CTRC: variants seen among roughly 807,000 people sequenced by gnomAD.
The protein encoded by CTRC is chymotrypsin-C.
In CTRC, 32 loss-of-function variants were observed where a neutral mutation model predicts 35.7. That is an observed-to-expected ratio of 0.90 (90% CI 0.68 to 1.20). The LOEUF (loss-of-function observed/expected upper bound fraction) is 1.20, where lower values mean the gene tolerates loss of function less well. Ranked by LOEUF, CTRC falls within the 50% of genes most tolerant of loss-of-function variation. The probability of loss-of-function intolerance (pLI) is 0.00; values close to 1 mark genes in which losing one functional copy is unlikely to be tolerated. For synonymous variants in CTRC, 119 were observed against 149.5 expected (o/e 0.80, Z 1.49); for missense variants, 324 against 361.5 (o/e 0.90, Z 0.84).
rs1180811463 is a variant in CTRC, at chr1:15,442,590, C to T, written c.356+18C>T. The T allele has an allele frequency of 6.2e-7, 1 of 1,613,620 alleles. No individual in the cohort carries two copies. Among genetic ancestry groups the T allele is most frequent in the Non-Finnish European group, 8.5e-7 (1 of 1,179,888 alleles). ...CTGTTGCGGTGAGTGACAGACTGCC[C>T]ATCCCACAGCCACTGGGGGCAGTGT... On this transcript the variant is annotated intron_variant, in intron 4 of 7. Coordinates refer to ENST00000375949, the MANE Select transcript of CTRC (RefSeq NM_007272.3).
chr1:15,445,732 A>T lies in CTRC; in HGVS notation c.775A>T (p.Ile259Phe). The T allele has an allele frequency of 6.2e-7, 1 of 1,614,134 alleles. No homozygotes were observed. Among genetic ancestry groups the T allele is most frequent in the East Asian group, 2.2e-5 (1 of 44,890 alleles). Reference protein sequence around the residue: ...PVVYTRVSAYIDWINEKMQL With the variant: ...PVVYTRVSAYFDWINEKMQL Reference sequence around the variant, plus strand: ...AGTCTACACCCGGGTGTCCGCCTACATCGACTGGATCAACGAGGTGGGTGC... The same window carrying T: ...AGTCTACACCCGGGTGTCCGCCTACTTCGACTGGATCAACGAGGTGGGTGC... Residue 259 changes from isoleucine to phenylalanine, a missense_variant, in exon 7 of 8, where the codon ATC (isoleucine) becomes TTC (phenylalanine). Ile to Phe is a conservative substitution (Grantham distance 21). Coordinates refer to ENST00000375949, the MANE Select transcript of CTRC (RefSeq NM_007272.3).
chr1:15,440,164 C>T lies in CTRC; in HGVS notation c.41-136C>T, dbSNP rs532296849. ...CCTAGAGACCTGGGTGGCTTACCCC[C>T]GTGACACAGTAAAATATCAACCCCG... On this transcript the variant is annotated intron_variant, in intron 1 of 7. Transcript: ENST00000375949. 17 of 806,128 alleles carry T rather than the reference C, an allele frequency of 2.1e-5. No homozygotes were observed. In the East Asian group the frequency reaches 3.7e-4, roughly 18 times the overall value. The allele number at this position is 806,128 out of a possible 1,614,324, so 49.9% of individuals were successfully genotyped here.
rs367979183 is a variant in CTRC, at chr1:15,442,472, G to A, written c.256G>A (p.Val86Met). The A allele has an allele frequency of 1.7e-5, 27 of 1,613,904 alleles. No homozygotes were observed. The highest frequency in any genetic ancestry group is 3.3e-4 in the Middle Eastern group (2 of 6,084). The change falls in exon 4 of 8, where the codon GTG becomes ATG. Residue 86 changes from valine (V) to methionine (M), a missense_variant. Val to Met is a conservative substitution (Grantham distance 21). Coordinates refer to ENST00000375949, the MANE Select transcript of CTRC (RefSeq NM_007272.3). ...ISNTRTYRVA[V>M]GKNNLEVEDE... The stretch of plus-strand genomic sequence containing the variant: ...CAACACCCGGACCTACCGTGTGGCC[G>A]TGGGAAAGAACAACCTGGAGGTGGA...
chr1:15,441,686 C>T (rs1570782780), intron 3 of CTRC, among the ~76,000 whole-genome samples: 1 of 150,294 alleles, frequency 6.7e-6, no homozygotes, highest in East Asian at 1.9e-4. Flanking sequence ...TTATATATTT[C>T]ATATACACTT....
intron 6 of CTRC, 92 bp from the exon 7 acceptor site, chr1:15,445,505 C>T: frequency 7.1e-7 from 1 of 1,401,542 alleles, no homozygotes; most frequent in Non-Finnish European, 1.0e-6. Flanking sequence ...GCTGAGAAGC[C>T]AACCCACATC....
rs761548318 is a variant in CTRC at position 15,438,475 on chromosome 1, T to C, written c.11T>C (p.Ile4Thr). 1 of 1,614,164 alleles carries C rather than the reference T, an allele frequency of 6.2e-7. No homozygotes were observed. Among genetic ancestry groups the C allele is most frequent in the Non-Finnish European group, 8.5e-7 (1 of 1,180,038 alleles). Reference protein sequence around the residue: MLGITVLAALLACA... With the variant: MLGTTVLAALLACA... The stretch of plus-strand genomic sequence containing the variant: ...CCTGAGCACCTAACCATGTTGGGCA[T>C]CACTGTCCTCGCTGCGCTCTTGGCC... The change falls in exon 1 of 8, where the codon ATC (isoleucine) becomes ACC (threonine). Residue 4 changes from isoleucine to threonine, a missense_variant. Ile to Thr is a moderately conservative substitution (Grantham distance 89). Coordinates refer to ENST00000375949, the MANE Select transcript of CTRC (RefSeq NM_007272.3).
At chr1:15,445,546 A>G in intron 6 of CTRC, 51 bp from the exon 7 acceptor site, 1 of 1,598,446 alleles carries the variant, frequency 6.3e-7, no homozygotes, top group South Asian at 1.1e-5. Flanking sequence ...GCTTCCCAAG[A>G]CTTCCTCTGG....
rs547391582 is a variant in CTRC at position 15,440,833 on chromosome 1, G to A, written c.230+243G>A. On this transcript the variant is annotated intron_variant, in intron 3 of 7. Transcript: ENST00000375949. Reference sequence around the variant, plus strand: ...CTTATATTTTTGTGGAAGACAGAGCGGCAGACAATTAAACAAATATATAGC... The same window carrying A: ...CTTATATTTTTGTGGAAGACAGAGCAGCAGACAATTAAACAAATATATAGC... Among the ~76,000 whole-genome samples the A allele has an allele frequency of 1.3e-4, 20 of 152,252 alleles. No homozygotes were observed. In the South Asian group the frequency reaches 2.7e-3, roughly 21 times the overall value.
chr1:15,445,930 G>A (rs1708213020), intron 7 of CTRC, among the ~76,000 whole-genome samples, 181 bp downstream of exon 7: 1 of 149,870 alleles, frequency 6.7e-6, no homozygotes, highest in Non-Finnish European at 1.5e-5. Context: ...ACTCATTCAT[G>A]TATTTATTCA....
intron 3 of CTRC, among the ~76,000 whole-genome samples, chr1:15,441,323 T>A (rs1708128891): frequency 6.6e-6 from 1 of 152,126 alleles, no homozygotes; most frequent in African/African-American, 2.4e-5. Flanking sequence ...AGGGGGTTAT[T>A]TGGGCAAAGG....
intron 3 of CTRC, among the ~76,000 whole-genome samples, chr1:15,442,127 G>A (rs1352721830): frequency 4.6e-5 from 7 of 152,166 alleles, no homozygotes; most frequent in Non-Finnish European, 5.9e-5. Context: ...GATGGATGCC[G>A]CAACTGTGCA....
chr1:15,445,657 A>G lies in CTRC; in HGVS notation c.700A>G (p.Ile234Val). The change falls in exon 7 of 8, where the codon ATC (isoleucine) becomes GTC (valine). Residue 234 changes from isoleucine to valine, a missense_variant. Physicochemically the swap from Ile to Val is conservative, Grantham distance 29. Transcript: ENST00000375949. ...LENGSWEVFG[I>V]VSFGSRRGCN... ...GAACGGTTCCTGGGAGGTGTTTGGCATCGTCAGCTTTGGCTCCCGGCGGGG... is the reference window on the plus strand; with the variant it reads ...GAACGGTTCCTGGGAGGTGTTTGGCGTCGTCAGCTTTGGCTCCCGGCGGGG... 5 of 1,614,200 alleles carry G rather than the reference A, an allele frequency of 3.1e-6. No homozygotes were observed. The highest frequency in any genetic ancestry group is 2.2e-5 in the South Asian group (2 of 91,086).
chr1:15,445,670 GC>G lies in CTRC; in HGVS notation c.714del (p.Ser239ProfsTer12). The part of the protein sequence containing the change: ...SWEVFGIVSF[G>X]SRRGCNTRKK... ...GAGGTGTTTGGCATCGTCAGCTTTG[GC>G]TCCCGGCGGGGCTGCAACACCCGCA... On this transcript the variant is annotated frameshift_variant, in exon 7 of 8. Coordinates refer to ENST00000375949, the MANE Select transcript of CTRC (RefSeq NM_007272.3). LOFTEE classifies it high-confidence loss of function. 1 of 1,614,150 alleles carries G rather than the reference GC, an allele frequency of 6.2e-7. No individual in the cohort carries two copies. Among genetic ancestry groups the G allele is most frequent in the Non-Finnish European group, 8.5e-7 (1 of 1,180,028 alleles).
In CTRC at chr1:15,444,709, C is replaced by G. The variant is rs1232771015; in HGVS notation, c.597C>G (p.Thr199=). The change falls in exon 6 of 8, where the codon ACC becomes ACG. Residue 199 remains threonine (T), a synonymous_variant. Coordinates refer to ENST00000375949, the MANE Select transcript of CTRC (RefSeq NM_007272.3). ...IDWWGFRVKK[T]MVCAGGDGVI... ...GGTGGGGCTTCAGGGTGAAGAAAAC[C>G]ATGGTGTGCGCTGGGGGCGATGGCG... The G allele has an allele frequency of 6.2e-7, 1 of 1,614,218 alleles. No homozygotes were observed. The highest frequency in any genetic ancestry group is 8.5e-7 in the Non-Finnish European group (1 of 1,180,036).
chr1:15,441,689 A>G lies in CTRC; in HGVS notation c.231-758A>G, dbSNP rs11586745. On this transcript the variant is annotated intron_variant, in intron 3 of 7. Transcript: ENST00000375949. Reference sequence around the variant, plus strand: ...ACATATTTCATTTTATATATTTCATATACACTTTTTTTTTTTTTGGTAGAG... The same window carrying G: ...ACATATTTCATTTTATATATTTCATGTACACTTTTTTTTTTTTTGGTAGAG... Among the ~76,000 whole-genome samples the G allele has an allele frequency of 6.2e-3, 942 of 151,140 alleles. 1 individual carries two copies. The highest frequency in any genetic ancestry group is 9.7e-3 in the Non-Finnish European group (658 of 67,858).
In CTRC at chr1:15,440,628, C is replaced by T. The variant is rs115742618; in HGVS notation, c.230+38C>T. The T allele has an allele frequency of 0.015, 23,177 of 1,592,558 alleles. 210 individuals carry two copies. Among genetic ancestry groups the T allele is most frequent in the Middle Eastern group, 0.038 (227 of 6,034 alleles). On this transcript the variant is annotated intron_variant, in intron 3 of 7. Coordinates refer to ENST00000375949, the MANE Select transcript of CTRC (RefSeq NM_007272.3). The stretch of plus-strand genomic sequence containing the variant: ...GATACCCTGAGACCTGGCCATCGTC[C>T]GGGGGCGGAAGCCTGATACTCTGCT...
At chr1:15,446,019 CATTT>C (rs1183571250) in intron 7 of CTRC, among the ~76,000 whole-genome samples, 1 of 152,204 alleles carries the variant, frequency 6.6e-6, no homozygotes. Flanking sequence ...TTCATTCATG[CATTT>C]ATTTACTCAT....
chr1:15,442,338 C>T (rs1708146114), intron 3 of CTRC, 109 bp from the exon 4 acceptor site: 1 of 1,378,506 alleles, frequency 7.3e-7, no homozygotes, highest in Non-Finnish European at 1.0e-6. Context: ...ACAATGGGAA[C>T]ACTCTCTTCC....
chr1:15,438,603 G>C (rs1449640503), intron 1 of CTRC, 99 bp downstream of exon 1: 1 of 1,389,006 alleles, frequency 7.2e-7, no homozygotes, highest in Non-Finnish European at 1.0e-6. Context: ...TGCTCTCCAG[G>C]TAAGACACTT....
Sources: allele counts gnomAD v4.1 joint callset (sites outside exome capture counted in the v4.1 genomes callset), GRCh38; gene constraint gnomAD v4.1.1; transcripts MANE v1.5; gene names NCBI Gene and HGNC (gene_info 2026-07-23, HGNC 2026-07-21).